The following PCTP variants were observed in gnomAD, a reference collection of about 807,000 sequenced individuals.
PCTP encodes START domain-containing protein 2.
In PCTP, 27 loss-of-function variants were observed where a neutral mutation model predicts 31.0. The ratio of observed to expected loss-of-function variants is 0.87; its 90% confidence interval spans 0.64 to 1.20. PCTP has a LOEUF of 1.20. Among genes scored for constraint, PCTP ranks in the 50% most tolerant of loss-of-function variants. PCTP has a pLI of 0.00. For synonymous variants in PCTP, 108 were observed against 101.2 expected (o/e 1.07, Z -0.40); for missense variants, 287 against 268.2 (o/e 1.07, Z -0.49).
rs564654462 is a variant in PCTP, at chr17:55,807,083, G to A, written c.318-15678G>A. Among the ~76,000 whole-genome samples the A allele has an allele frequency of 1.3e-5, 2 of 152,272 alleles. 1 individual carries two copies. Among genetic ancestry groups the A allele is most frequent in the South Asian group, 4.1e-4 (2 of 4,828 alleles). On this transcript the variant is annotated intron_variant, in intron 3 of 3. Coordinates refer to the PCTP transcript ENST00000572536. ...GGAGACAGTGATGGTGATGGTGGAA[G>A]TTTCCTTCTGATTTCCAGAATTCTC...
At chr17:55,822,793 T>G in exon 4 of PCTP, 2 of 1,231,410 alleles carry the variant, frequency 1.6e-6, no homozygotes, top group Non-Finnish European at 2.0e-6. Context: ...AAGCTCAGAA[T>G]CAGAGAGACC....
At chr17:55,802,816 A>G (rs1023079864) in intron 3 of PCTP, among the ~76,000 whole-genome samples, 28 of 152,214 alleles carry the variant, frequency 1.8e-4, no homozygotes, top group African/African-American at 6.8e-4. Context: ...CAAGACAAGG[A>G]TGCCCTCTCT....
the PCTP span, among the ~76,000 whole-genome samples, chr17:55,850,254 CA>C: frequency 1.3e-5 from 2 of 152,026 alleles, no homozygotes; most frequent in Non-Finnish European, 2.9e-5. Flanking sequence ...TGTAATATAT[CA>C]GTTTGTTTCC....
chr17:55,829,493 A>C (rs1905522897), intron 5 of PCTP, among the ~76,000 whole-genome samples: 1 of 152,056 alleles, frequency 6.6e-6, no homozygotes, highest in Non-Finnish European at 1.5e-5. Context: ...TTTTTAGTAG[A>C]GATGGGGTTT....
chr17:55,849,088 A>G, the PCTP span, among the ~76,000 whole-genome samples: 1 of 152,202 alleles, frequency 6.6e-6, no homozygotes, highest in Admixed American at 6.5e-5. Context: ...AGATATTGCA[A>G]CAAGCAGACA....
chr17:55,792,878 A>G (rs1163688757), intron 3 of PCTP, among the ~76,000 whole-genome samples: 4 of 152,092 alleles, frequency 2.6e-5, no homozygotes, highest in South Asian at 2.1e-4. Flanking sequence ...ATGCTCATAC[A>G]TTCCCTCTCT....
At chr17:55,759,541 C>G (rs1004985604) in intron 1 of PCTP, among the ~76,000 whole-genome samples, 2 of 152,196 alleles carry the variant, frequency 1.3e-5, no homozygotes, top group African/African-American at 2.4e-5. Flanking sequence ...GAGTCTATTA[C>G]TTGCCCCAAA....
intron 3 of PCTP, among the ~76,000 whole-genome samples, chr17:55,803,840 A>G (rs2145031521): frequency 6.6e-6 from 1 of 152,232 alleles, no homozygotes; most frequent in African/African-American, 2.4e-5. Flanking sequence ...CAATTGCAAC[A>G]AAAGCCAAAA....
intron 3 of PCTP, among the ~76,000 whole-genome samples, chr17:55,811,198 C>T (rs1258464362): frequency 6.6e-6 from 1 of 152,190 alleles, no homozygotes; most frequent in Non-Finnish European, 1.5e-5. Flanking sequence ...TCCTTTGTTA[C>T]ATACAAAGTC....
chr17:55,851,404 G>C, the PCTP span, among the ~76,000 whole-genome samples: 4 of 152,202 alleles, frequency 2.6e-5, no homozygotes, highest in Non-Finnish European at 5.9e-5. Flanking sequence ...TTGTCTGTAA[G>C]GTGACCCACT....
chr17:55,783,819 G>A (rs1057053962), intron 2 of PCTP, among the ~76,000 whole-genome samples: 3 of 152,130 alleles, frequency 2.0e-5, no homozygotes, highest in South Asian at 2.1e-4. Context: ...AACAGCATTC[G>A]TTTTCCATTA....
At chr17:55,753,103 C>G (rs1423543459) in intron 1 of PCTP, among the ~76,000 whole-genome samples, 4 of 152,230 alleles carry the variant, frequency 2.6e-5, no homozygotes, top group Non-Finnish European at 4.4e-5. Flanking sequence ...CCAGCCACAT[C>G]AAGGCTTTGG....
downstream of PCTP, among the ~76,000 whole-genome samples, chr17:55,777,708 T>C (rs1004013888): frequency 5.9e-5 from 9 of 152,230 alleles, no homozygotes; most frequent in African/African-American, 1.9e-4. Flanking sequence ...ACCTGCACTT[T>C]CCATAACTTA....
chr17:55,791,857 A>G (rs1482482957), intron 3 of PCTP, among the ~76,000 whole-genome samples: 5 of 152,104 alleles, frequency 3.3e-5, no homozygotes, highest in Non-Finnish European at 7.4e-5. Context: ...ACATGCACAC[A>G]TATGTTTATT....
intron 3 of PCTP, among the ~76,000 whole-genome samples, chr17:55,820,052 A>G (rs1913065025): frequency 6.6e-6 from 1 of 152,238 alleles, no homozygotes; most frequent in South Asian, 2.1e-4. Flanking sequence ...TGTAGGAGCT[A>G]AAGCTATAAA....
At chr17:55,771,230 T>C (rs367796987) in intron 3 of PCTP, 45 bp downstream of exon 3, 2 of 1,449,420 alleles carry the variant, frequency 1.4e-6, no homozygotes, top group African/African-American at 1.4e-5. Context: ...TCTAAGTGTT[T>C]CTGTGTTCCT....
chr17:55,773,559 G>T, intron 3 of PCTP, 165 bp from the exon 4 acceptor site: 1 of 601,476 alleles, frequency 1.7e-6, no homozygotes, highest in Non-Finnish European at 2.9e-6. Context: ...GCACAGTCTT[G>T]CAGTGCAGGT....
downstream of PCTP, among the ~76,000 whole-genome samples, chr17:55,823,753 T>C (rs1205691865): frequency 6.6e-6 from 1 of 152,220 alleles, no homozygotes; most frequent in Non-Finnish European, 1.5e-5. Flanking sequence ...GTTTTGGACA[T>C]GTCCAGAGAC....
intron 3 of PCTP, among the ~76,000 whole-genome samples, chr17:55,817,910 A>T (rs1367046853): frequency 6.6e-6 from 1 of 152,190 alleles, no homozygotes; most frequent in Non-Finnish European, 1.5e-5. Context: ...CCTGGGTCCT[A>T]GGGGTTACAG....
Sources: gnomAD v4.1 joint callset for allele counts (sites outside exome capture counted in the v4.1 genomes callset) on GRCh38, gnomAD v4.1.1 for gene constraint, MANE v1.5 for transcripts, NCBI Gene and HGNC (gene_info 2026-07-23, HGNC 2026-07-21) for gene names.